Variants in ASTN2 observed in about 807,000 individuals in gnomAD.
ASTN2 encodes the protein astrotactin-2.
A neutral mutation model predicts 139.8 loss-of-function variants in ASTN2; 54 were observed. The ratio of observed to expected loss-of-function variants is 0.39; its 90% CI spans 0.31 to 0.48. The LOEUF (loss-of-function observed/expected upper bound fraction) is 0.48, where lower values mean the gene tolerates loss of function less well. Ranked by LOEUF, ASTN2 falls within the 20% of genes least tolerant of loss-of-function variation. The probability of loss-of-function intolerance (pLI) is 0.95; values close to 1 mark genes in which losing one functional copy is unlikely to be tolerated. For synonymous variants in ASTN2, 756 were observed against 719.5 expected, an observed-to-expected ratio of 1.05 and a Z score of -0.81; for missense variants, 1,565 against 1,725.1, an observed-to-expected ratio of 0.91 and a Z score of 1.64.
chr9:116,737,429 A>C (rs930500546), intron 13 of ASTN2, among the ~76,000 whole-genome samples: 5 of 151,600 alleles, frequency 3.3e-5, no homozygotes, highest in Non-Finnish European at 5.9e-5. Flanking sequence ...GTGCTCAGGA[A>C]TAATTCAGAT....
In ASTN2 at chr9:116,800,105, A is replaced by C. The variant is rs1261569367; in HGVS notation, c.2396+5527T>G. ...TAAACTGTATTTTGATTTTTGTATGAACTGTGTCCTTCTTTCTTGATCTTT... is the reference window on the plus strand; with the variant it reads ...TAAACTGTATTTTGATTTTTGTATGCACTGTGTCCTTCTTTCTTGATCTTT... On this transcript the variant is annotated intron_variant, in intron 13 of 22. Coordinates refer to ENST00000313400, the MANE Select transcript of ASTN2 (RefSeq NM_001365068.1). 2.0e-5 allele frequency among the ~76,000 whole-genome samples: 3 copies of C among 152,040 alleles called. No homozygotes were observed. The East Asian group carries it at 5.8e-4, about 29-fold the overall frequency.
chr9:117,000,941 T>C (rs1213567438), intron 7 of ASTN2, among the ~76,000 whole-genome samples: 2 of 152,298 alleles, frequency 1.3e-5, no homozygotes, highest in East Asian at 3.9e-4. Flanking sequence ...CATGATGCCA[T>C]GTGAGCTGGC....
chr9:116,842,323 C>CT (rs145089463), intron 11 of ASTN2, among the ~76,000 whole-genome samples: 2,265 of 152,204 alleles, frequency 0.015, 18 homozygotes, highest in African/African-American at 0.026. Context: ...AATATGCTAT[C>CT]TTTTTTAATC....
Position 117,134,277 on chromosome 9 carries a change from TATATATATATATATATATACAC to T in ASTN2, c.1168+7027_1168+7048del, listed in dbSNP as rs1227013355. On this transcript the variant is annotated intron_variant, in intron 4 of 22. Coordinates refer to ENST00000313400, the MANE Select transcript of ASTN2 (RefSeq NM_001365068.1). ...GTTACTAATGAAAATTATATATATA[TATATATATATATATATATACAC>T]ACACACACACACACACACACACACA... Among the ~76,000 whole-genome samples the T allele has an allele frequency of 5.1e-4, 35 of 69,234 alleles. 1 individual carries two copies. In the South Asian group the frequency reaches 0.013, roughly 27 times the overall value. 45.4% of individuals were successfully genotyped at this position (69,234 alleles called of 152,430 possible).
At chr9:117,129,631 C>T in intron 4 of ASTN2, among the ~76,000 whole-genome samples, 1 of 152,062 alleles carries the variant, frequency 6.6e-6, no homozygotes, top group East Asian at 1.9e-4. Flanking sequence ...TCTACTTGGT[C>T]TAATAGGAAG....
At chr9:116,966,514 C>G (rs999623844) in intron 10 of ASTN2, among the ~76,000 whole-genome samples, 5 of 152,116 alleles carry the variant, frequency 3.3e-5, no homozygotes, top group African/African-American at 1.2e-4. Flanking sequence ...TGGGCAGAAA[C>G]TCATCCTAAT....
intron 3 of ASTN2, among the ~76,000 whole-genome samples, chr9:117,175,628 C>G (rs1830897685): frequency 6.6e-6 from 1 of 152,150 alleles, no homozygotes; most frequent in Admixed American, 6.5e-5. Flanking sequence ...TGTCCTATGA[C>G]AGTGGTGTCA....
In ASTN2 at chr9:116,942,096, A is replaced by G. The variant is rs961579400; in HGVS notation, c.1889+33112T>C. On this transcript the variant is annotated intron_variant, in intron 10 of 22. Coordinates refer to ENST00000313400, the MANE Select transcript of ASTN2 (RefSeq NM_001365068.1). ...AGTGCACGTACGCACGCACGCACAC[A>G]CACACACACACACACACACCACACA... Among the ~76,000 whole-genome samples the G allele has an allele frequency of 1.6e-3, 219 of 136,354 alleles. 2 individuals are homozygous for G. The highest frequency in any genetic ancestry group is 5.9e-3 in the African/African-American group (190 of 32,290). The allele number at this position is 136,354 out of a possible 152,430, so 89.5% of individuals were successfully genotyped here. A position where few individuals can be genotyped will look rare whatever the true frequency, so the allele number is the denominator to read the frequency against.
chr9:117,023,973 G>A (rs1052786151), intron 6 of ASTN2, among the ~76,000 whole-genome samples: 10 of 152,088 alleles, frequency 6.6e-5, no homozygotes, highest in Middle Eastern at 3.2e-3. Context: ...CTGAGGGTGC[G>A]AGGTTGGGGA....
intron 19 of ASTN2, among the ~76,000 whole-genome samples, chr9:116,544,652 T>C (rs759915474): frequency 6.6e-6 from 1 of 152,170 alleles, no homozygotes; most frequent in Non-Finnish European, 1.5e-5. Flanking sequence ...ATCAGAAGTT[T>C]ACACTGGAAC....
Position 116,453,410 on chromosome 9 carries a change from G to A in ASTN2, c.3498-10857C>T, listed in dbSNP as rs1438599592. Reference sequence around the variant, plus strand: ...AGATCGAGACCATCCTGGCTAACACGGTGAAACCCCGTCTCTATTAAAAAT... The same window carrying A: ...AGATCGAGACCATCCTGGCTAACACAGTGAAACCCCGTCTCTATTAAAAAT... On this transcript the variant is annotated intron_variant, in intron 20 of 22. Coordinates refer to ENST00000313400, the MANE Select transcript of ASTN2 (RefSeq NM_001365068.1). Among the ~76,000 whole-genome samples, 8 of 151,528 alleles carry A rather than the reference G, an allele frequency of 5.3e-5. 1 individual carries two copies. The South Asian group carries it at 6.3e-4, about 12-fold the overall frequency.
chr9:116,717,702 A>T (rs1315592301), intron 16 of ASTN2, among the ~76,000 whole-genome samples: 1 of 152,218 alleles, frequency 6.6e-6, no homozygotes, highest in East Asian at 1.9e-4. Flanking sequence ...GCTAGGAATC[A>T]GAAAAGCCAG....
intron 19 of ASTN2, among the ~76,000 whole-genome samples, chr9:116,496,874 T>A (rs1849684970): frequency 6.6e-6 from 1 of 152,128 alleles, no homozygotes. Context: ...TTATTCACTA[T>A]CATGAGAACA....
chr9:116,827,606 T>C (rs1375037511), intron 11 of ASTN2, among the ~76,000 whole-genome samples: 2 of 152,224 alleles, frequency 1.3e-5, no homozygotes, highest in African/African-American at 2.4e-5. Flanking sequence ...ATGAAGACTA[T>C]TATGTTCACA....
chr9:117,335,963 C>G (rs1828867963), intron 1 of ASTN2, among the ~76,000 whole-genome samples: 1 of 148,556 alleles, frequency 6.7e-6, no homozygotes, highest in Non-Finnish European at 1.5e-5. Flanking sequence ...TAGCAATGCT[C>G]ATAAATCCTG....
intron 22 of ASTN2, among the ~76,000 whole-genome samples, chr9:116,439,691 C>T (rs955113779): frequency 1.3e-5 from 2 of 152,180 alleles, no homozygotes; most frequent in African/African-American, 2.4e-5. Context: ...AATACCCATC[C>T]TTTTCCCCCA....
At chr9:116,527,398 C>T (rs1170772360) in intron 19 of ASTN2, among the ~76,000 whole-genome samples, 2 of 151,988 alleles carry the variant, frequency 1.3e-5, no homozygotes, top group Non-Finnish European at 2.9e-5. Flanking sequence ...AAAAGGCATA[C>T]AAAAGGCCAA....
chr9:116,610,874 T>C (rs1261467576), intron 19 of ASTN2: 2 of 148,996 alleles, frequency 1.3e-5, no homozygotes, highest in Non-Finnish European at 3.0e-5. Flanking sequence ...TTAATACCCC[T>C]CTCTCAAATA....
rs988096218 is a variant in ASTN2 at position 116,553,014 on chromosome 9, A to G, written c.3355+65310T>C. ...ACAGAGAAAGTTCAGGCAGCATCAG[A>G]GGATGAGGCCAGGTAAGACAGAGAA... On this transcript the variant is annotated intron_variant, in intron 19 of 22. Transcript: ENST00000313400. Among the ~76,000 whole-genome samples the G allele has an allele frequency of 5.9e-5, 9 of 152,344 alleles. No individual in the cohort carries two copies. In the South Asian group the frequency reaches 6.2e-4, roughly 11 times the overall value.
Sources: allele counts gnomAD v4.1 joint callset (sites outside exome capture counted in the v4.1 genomes callset), GRCh38; gene constraint gnomAD v4.1.1; transcripts MANE v1.5; gene names NCBI Gene and HGNC (gene_info 2026-07-23, HGNC 2026-07-21).